B4GALT3: variants seen among roughly 807,000 people sequenced by gnomAD.
B4GALT3 encodes the protein beta-1,4-galactosyltransferase 3.
Under a neutral mutation model 40.7 loss-of-function variants are expected in B4GALT3, and 29 were observed. That is an observed-to-expected ratio of 0.71 (90% CI 0.53 to 0.97). B4GALT3 has a LOEUF of 0.97. Ranked by LOEUF, B4GALT3 falls within the 50% of genes least tolerant of loss-of-function variation. The probability of loss-of-function intolerance (pLI) is 0.00; values close to 1 mark genes in which losing one functional copy is unlikely to be tolerated. For missense variants in B4GALT3, 390 were observed against 522.3 expected (o/e 0.75, Z 2.47); for synonymous variants, 182 against 203.9 (o/e 0.89, Z 0.92).
rs182207470 is a variant in B4GALT3 at position 161,171,338 on chromosome 1, A to G, written c.*478T>C. The G allele has an allele frequency of 3.7e-5, 45 of 1,231,266 alleles. No individual in the cohort carries two copies. In the African/African-American group the frequency reaches 4.9e-4, roughly 14 times the overall value. 76.3% of individuals were successfully genotyped at this position (1,231,266 alleles called of 1,614,324 possible). A position where few individuals can be genotyped will look rare whatever the true frequency, so the allele number is the denominator to read the frequency against. Reference sequence around the variant, plus strand: ...GAGACAAAGTCCTTTATTAGAAAATATATCAAAATCCCAGCCCCCTGAGCC... The same window carrying G: ...GAGACAAAGTCCTTTATTAGAAAATGTATCAAAATCCCAGCCCCCTGAGCC... On this transcript the variant is annotated 3_prime_UTR_variant, in exon 8 of 8. Transcript: ENST00000319769.
chr1:161,176,479 T>C lies in B4GALT3; in HGVS notation c.-60A>G. On this transcript the variant is annotated 5_prime_UTR_variant, in exon 2 of 8. Coordinates refer to ENST00000319769, the MANE Select transcript of B4GALT3 (RefSeq NM_003779.4). ...TAGGGATCATGGGGGCTCCAGGGGG[T>C]CCCGGGGGGACAGAGATGTGAGGCA... 2.8e-6 allele frequency: 1 copy of C among 351,342 alleles called. No individual in the cohort carries two copies. Among genetic ancestry groups the C allele is most frequent in the Non-Finnish European group, 5.2e-6 (1 of 190,550 alleles). 21.8% of individuals were successfully genotyped at this position (351,342 alleles called of 1,614,324 possible).
At position 161,171,931 on chromosome 1, in the gene B4GALT3, C is replaced by T. The variant is rs746359457; in HGVS notation, c.1067G>A (p.Arg356His). The stretch of plus-strand genomic sequence containing the variant: ...GGCTTGGGAGGAACCAGGTGGGTAA[C>T]GTGGCCCAGAAGGAGCCCGAGGACC... Reference protein sequence around the residue: ...PRGPRAPSGPRYPPGSSQAFR... With the variant: ...PRGPRAPSGPHYPPGSSQAFR... The change falls in exon 8 of 8, where the codon CGT (arginine) becomes CAT (histidine). Residue 356 changes from arginine to histidine, a missense_variant. Physicochemically the swap from Arg to His is conservative, Grantham distance 29. This residue lies in a region of B4GALT3 where 72 missense variants were observed against 71.3 expected (regional missense o/e 1.01). Coordinates refer to ENST00000319769, the MANE Select transcript of B4GALT3 (RefSeq NM_003779.4). 1.4e-5 allele frequency: 22 copies of T among 1,614,020 alleles called. No individual in the cohort carries two copies. Among genetic ancestry groups the T allele is most frequent in the Non-Finnish European group, 1.7e-5 (20 of 1,180,026 alleles).
chr1:161,176,770 C>A, intron 1 of B4GALT3, 191 bp from the exon 2 acceptor site: 1 of 1,265,212 alleles, frequency 7.9e-7, no homozygotes, highest in Non-Finnish European at 1.1e-6. Context: ...CATACTTAAC[C>A]ACCCCCGTAC....
At position 161,176,524 on chromosome 1, in the gene B4GALT3, T is replaced by C. The variant is rs41270035; in HGVS notation, c.-105A>G. ...GAGGCATTATCTAAAATTGGAAATG[T>C]CACAGAGGGCAGAGAAAGGCTCCAT... On this transcript the variant is annotated 5_prime_UTR_variant, in exon 2 of 8. Coordinates refer to ENST00000319769, the MANE Select transcript of B4GALT3 (RefSeq NM_003779.4). 5.3e-4 allele frequency: 219 copies of C among 409,560 alleles called. No individual in the cohort carries two copies. The highest frequency in any genetic ancestry group is 9.0e-4 in the Non-Finnish European group (203 of 224,722). 25.4% of individuals were successfully genotyped at this position (409,560 alleles called of 1,614,324 possible). A position where few individuals can be genotyped will look rare whatever the true frequency, so the allele number is the denominator to read the frequency against.
intron 4 of B4GALT3, 56 bp from the exon 5 acceptor site, chr1:161,174,105 G>T: frequency 6.4e-7 from 1 of 1,569,190 alleles, no homozygotes. Context: ...GGAGAAAAGG[G>T]GGCTAAAGAA....
In B4GALT3 at chr1:161,177,220, G is replaced by C. The variant is rs186324339; in HGVS notation, c.-161+203C>G. Reference sequence around the variant, plus strand: ...GAGGGGGTTAAAACCCAGCTCTTTCGGAGCACGCCCATCCTATCCCAGTCT... The same window carrying C: ...GAGGGGGTTAAAACCCAGCTCTTTCCGAGCACGCCCATCCTATCCCAGTCT... On this transcript the variant is annotated intron_variant, in intron 1 of 7. Coordinates refer to ENST00000319769, the MANE Select transcript of B4GALT3 (RefSeq NM_003779.4). 2.3e-4 allele frequency: 166 copies of C among 717,028 alleles called. No homozygotes were observed. In the African/African-American group the frequency reaches 2.6e-3, roughly 11 times the overall value. The allele number at this position is 717,028 out of a possible 1,614,324, so 44.4% of individuals were successfully genotyped here.
intron 1 of B4GALT3, chr1:161,176,985 G>A: frequency 6.5e-7 from 1 of 1,536,112 alleles, no homozygotes; most frequent in Non-Finnish European, 8.7e-7. Context: ...TGCAGGGACC[G>A]TGACCACCTG....
chr1:161,175,162 C>A lies in B4GALT3; in HGVS notation c.320G>T (p.Arg107Leu). The A allele has an allele frequency of 6.2e-7, 1 of 1,613,746 alleles. No homozygotes were observed. The highest frequency in any genetic ancestry group is 8.5e-7 in the Non-Finnish European group (1 of 1,179,874). ...GCGGTACCGGCCCCCTGGTTCTACC[C>A]GGGGATTCCGCTCCACAATCTCTGC... is the stretch of plus-strand genomic sequence containing the variant. ...SLAEIVERNP[R>L]VEPGGRYRPA... The change falls in exon 4 of 8, where the codon CGG becomes CTG. Residue 107 changes from arginine to leucine, a missense_variant. Arg to Leu is a moderately radical substitution (Grantham distance 102, BLOSUM62 -2). Transcript: ENST00000319769.
rs1662534765 is a variant in B4GALT3, at chr1:161,174,121, G to T, written c.490-72C>A. The T allele has an allele frequency of 7.2e-6, 11 of 1,519,174 alleles. 1 individual carries two copies. In the South Asian group the frequency reaches 1.4e-4, roughly 19 times the overall value. 94.1% of individuals were successfully genotyped at this position (1,519,174 alleles called of 1,614,324 possible). A position where few individuals can be genotyped will look rare whatever the true frequency, so the allele number is the denominator to read the frequency against. On this transcript the variant is annotated intron_variant, in intron 4 of 7. Transcript: ENST00000319769. ...GAGAAAAGGGGGCTAAAGAATAAAA[G>T]TGAAGGCCGGGCGCGGTGGCTTACG... is the stretch of plus-strand genomic sequence containing the variant.
chr1:161,176,973 G>A (rs1220908983), intron 1 of B4GALT3: 1 of 1,536,154 alleles, frequency 6.5e-7, no homozygotes, highest in East Asian at 2.4e-5. Flanking sequence ...CAACTCCTCA[G>A]GTGCAGGGAC....
chr1:161,175,488 T>C (rs998326263), intron 3 of B4GALT3, among the ~76,000 whole-genome samples: 4 of 152,122 alleles, frequency 2.6e-5, no homozygotes, highest in African/African-American at 9.7e-5. Flanking sequence ...TTGGAAGCTA[T>C]AGTTGAAGGC....
chr1:161,171,328 AT>A lies in B4GALT3; in HGVS notation c.*487del. On this transcript the variant is annotated 3_prime_UTR_variant, in exon 8 of 8. Coordinates refer to ENST00000319769, the MANE Select transcript of B4GALT3 (RefSeq NM_003779.4). ...GAGCAGATGCGAGACAAAGTCCTTT[AT>A]TAGAAAATATATCAAAATCCCAGCC... The A allele has an allele frequency of 7.8e-7, 1 of 1,277,422 alleles. No individual in the cohort carries two copies. Among genetic ancestry groups the A allele is most frequent in the Non-Finnish European group, 1.1e-6 (1 of 909,514 alleles). 79.1% of individuals were successfully genotyped at this position (1,277,422 alleles called of 1,614,324 possible).
Position 161,171,855 on chromosome 1 carries a change from T to TA in B4GALT3, c.1142dup (p.Ser382IlefsTer21), listed in dbSNP as rs768221056. The TA allele has an allele frequency of 2.8e-5, 46 of 1,614,114 alleles. No homozygotes were observed. The highest frequency in any genetic ancestry group is 3.8e-5 in the Non-Finnish European group (45 of 1,180,030). ...GGAGGGCTGTGTGGTTGGCAGTAGA[T>TA]AGAGGCCCAGGCCTGGCTGGGGGCC... On this transcript the variant is annotated frameshift_variant, in exon 8 of 8. Coordinates refer to ENST00000319769, the MANE Select transcript of B4GALT3 (RefSeq NM_003779.4). LOFTEE classifies it high-confidence loss of function.
intron 1 of B4GALT3, chr1:161,176,879 C>T (rs930110894): frequency 6.5e-7 from 1 of 1,536,052 alleles, no homozygotes; most frequent in African/African-American, 1.4e-5. Context: ...GCGACAGAGT[C>T]ATGACAGGAC....
Position 161,175,008 on chromosome 1 carries a change from G to T in B4GALT3, c.474C>A (p.Ile158=), listed in dbSNP as rs770385228. 1.2e-6 allele frequency: 2 copies of T among 1,613,582 alleles called. No individual in the cohort carries two copies. The highest frequency in any genetic ancestry group is 8.5e-7 in the Non-Finnish European group (1 of 1,179,806). The change falls in exon 4 of 8, where the codon ATC becomes ATA. Residue 158 remains isoleucine, a synonymous_variant. Transcript: ENST00000319769. The part of the protein sequence containing the change: ...FLQRQQLAYG[I]YVIHQAGNGT... ...TTGGGGGTACCTGGTGGATGACATA[G>T]ATGCCATAAGCAAGCTGCTGGCGCT...
chr1:161,175,068 C>T lies in B4GALT3; in HGVS notation c.414G>A (p.Leu138=). Residue 138 remains leucine, a synonymous_variant, in exon 4 of 8, where the codon CTG becomes CTA. Transcript: ENST00000319769. ...GGTGCAGGTGGTAGAGCAGCAGGCG[C>T]AGGTGGTGCTCCCGGGCACGATGAG... ...IVPHRAREHH[L]RLLLYHLHPF... 1 of 1,614,120 alleles carries T rather than the reference C, an allele frequency of 6.2e-7. No homozygotes were observed. The highest frequency in any genetic ancestry group is 8.5e-7 in the Non-Finnish European group (1 of 1,179,970).
rs776027319 is a variant in B4GALT3 at position 161,173,908 on chromosome 1, G to T, written c.631C>A (p.Pro211Thr). 3.1e-6 allele frequency: 5 copies of T among 1,613,984 alleles called. No individual in the cohort carries two copies. In the Admixed American group the frequency reaches 8.3e-5, roughly 27 times the overall value. ...ENDHNLYVCDPRGPRHVAVAM... is the reference protein window; with the variant it reads ...ENDHNLYVCDTRGPRHVAVAM... ...ACGGCAACATGGCGGGGTCCCCGGG[G>T]GTCACACACATACAGATTGTGGTCA... Residue 211 changes from proline to threonine, a missense_variant, in exon 5 of 8, where the codon CCC becomes ACC. By Grantham distance (38) the Pro-to-Thr change is conservative. Transcript: ENST00000319769.
chr1:161,176,431 C>A lies in B4GALT3; in HGVS notation c.-15+3G>T, dbSNP rs1663546803. The A allele has an allele frequency of 5.1e-6, 2 of 390,286 alleles. No individual in the cohort carries two copies. Among genetic ancestry groups the A allele is most frequent in the Admixed American group, 8.4e-5 (2 of 23,920 alleles). 24.2% of individuals were successfully genotyped at this position (390,286 alleles called of 1,614,324 possible). On this transcript the variant is annotated splice_donor_region_variant and intron_variant, in intron 2 of 7. Transcript: ENST00000319769. ...AATTTTAGAAGGGAAGAGATAGACT[C>A]ACCTAGGTTCAAGCTGTCTTCTTAG...
In B4GALT3 at chr1:161,171,733, C is replaced by CT; in HGVS notation, c.*82dup. The CT allele has an allele frequency of 1.3e-6, 2 of 1,541,776 alleles. No individual in the cohort carries two copies. Among genetic ancestry groups the CT allele is most frequent in the Non-Finnish European group, 8.8e-7 (1 of 1,133,378 alleles). ...CAGAGTTCAGTTCCCTCACATCCCTCTGAGAACAGTGAGGAGCTGAGGGTG... is the reference window on the plus strand; with the variant it reads ...CAGAGTTCAGTTCCCTCACATCCCTCTTGAGAACAGTGAGGAGCTGAGGGTG... On this transcript the variant is annotated 3_prime_UTR_variant, in exon 8 of 8. Coordinates refer to ENST00000319769, the MANE Select transcript of B4GALT3 (RefSeq NM_003779.4).
Sources: allele counts gnomAD v4.1 joint callset (sites outside exome capture counted in the v4.1 genomes callset), GRCh38; gene constraint gnomAD v4.1.1; regional missense constraint gnomAD v4.1.1; transcripts MANE v1.5; gene names NCBI Gene and HGNC (gene_info 2026-07-23, HGNC 2026-07-21).